Variants in GRID1 observed in about 807,000 individuals in gnomAD.
The protein encoded by GRID1 is glutamate ionotropic receptor delta type subunit 1.
In GRID1, 28 loss-of-function variants were observed where a neutral mutation model predicts 98.0. The observed-to-expected ratio is 0.29, with a 90% CI of 0.21 to 0.39. The LOEUF is 0.39. Among genes scored for constraint, GRID1 ranks in the 10% least tolerant of loss-of-function variants. The pLI, the probability that GRID1 is intolerant of heterozygous loss-of-function variation, is 1.00. For synonymous variants in GRID1, 553 were observed against 538.5 expected, an observed-to-expected ratio of 1.03 and a Z score of -0.37; for missense variants, 1,111 against 1,340.5, an observed-to-expected ratio of 0.83 and a Z score of 2.67.
intron 4 of GRID1, among the ~76,000 whole-genome samples, chr10:86,012,130 A>G (rs762823904): frequency 6.6e-6 from 1 of 152,140 alleles, no homozygotes; most frequent in Non-Finnish European, 1.5e-5. Flanking sequence ...TCAAAAAATA[A>G]ATAAATAAAT....
intron 2 of GRID1, among the ~76,000 whole-genome samples, chr10:86,309,997 T>C (rs571878218): frequency 9.2e-5 from 14 of 152,266 alleles, no homozygotes; most frequent in African/African-American, 3.1e-4. Context: ...ACCACCCCTT[T>C]ATGTCCAAGC....
intron 8 of GRID1, among the ~76,000 whole-genome samples, chr10:85,753,737 G>T (rs1357719144): frequency 6.6e-6 from 1 of 152,214 alleles, no homozygotes; most frequent in African/African-American, 2.4e-5. Flanking sequence ...ACCTCATGAA[G>T]TGTAATGAAA....
intron 8 of GRID1, among the ~76,000 whole-genome samples, chr10:85,826,794 G>A (rs564337510): frequency 1.3e-5 from 2 of 152,198 alleles, no homozygotes; most frequent in South Asian, 4.2e-4. Flanking sequence ...AACTTCAAGG[G>A]GCCAGAGAAC....
chr10:85,759,709 A>C (rs1332351054), intron 8 of GRID1, among the ~76,000 whole-genome samples: 1 of 152,242 alleles, frequency 6.6e-6, no homozygotes, highest in African/African-American at 2.4e-5. Context: ...GATCTGCATA[A>C]TTATGTACAT....
chr10:85,641,053 T>G (rs183017699), intron 13 of GRID1, among the ~76,000 whole-genome samples: 1 of 152,356 alleles, frequency 6.6e-6, no homozygotes, highest in Non-Finnish European at 1.5e-5. Flanking sequence ...AGATTGACAT[T>G]TAAACTATTA....
chr10:85,950,386 A>G (rs138098628), intron 4 of GRID1, among the ~76,000 whole-genome samples: 116 of 152,334 alleles, frequency 7.6e-4, no homozygotes, highest in African/African-American at 2.6e-3. Context: ...CAGAGAGGGT[A>G]CAGCTCAGTG....
intron 3 of GRID1, among the ~76,000 whole-genome samples, chr10:86,143,687 C>T (rs1057474443): frequency 3.9e-5 from 6 of 152,214 alleles, no homozygotes; most frequent in Non-Finnish European, 7.3e-5. Flanking sequence ...CTCGCATCAA[C>T]CTGATCCAGA....
At chr10:86,197,500 G>A (rs1245340715) in intron 3 of GRID1, among the ~76,000 whole-genome samples, 1 of 152,082 alleles carries the variant, frequency 6.6e-6, no homozygotes, top group Non-Finnish European at 1.5e-5. Context: ...CTCATGTGTG[G>A]AGCAAAGGAG....
rs557648395 is a variant in GRID1 at position 86,237,979 on chromosome 10, A to G, written c.236-31331T>C. 2.0e-5 allele frequency among the ~76,000 whole-genome samples: 3 copies of G among 152,332 alleles called. No individual in the cohort carries two copies. In the South Asian group the frequency reaches 6.2e-4, roughly 32 times the overall value. On this transcript the variant is annotated intron_variant, in intron 2 of 15. Coordinates refer to ENST00000327946, the MANE Select transcript of GRID1 (RefSeq NM_017551.3). ...GTATAAAGATACCTGAAAATGTAGA[A>G]GCGACTTTGGAACTGGGTAATTGCC... is the stretch of plus-strand genomic sequence containing the variant.
At chr10:86,099,168 C>A (rs190733074) in intron 4 of GRID1, among the ~76,000 whole-genome samples, 157 of 152,312 alleles carry the variant, frequency 1.0e-3, no homozygotes, top group Non-Finnish European at 1.9e-3. Flanking sequence ...CAAGGTAGCA[C>A]AGTGGTTCTG....
At chr10:85,633,390 T>C (rs1399443092) in intron 13 of GRID1, among the ~76,000 whole-genome samples, 1 of 152,182 alleles carries the variant, frequency 6.6e-6, no homozygotes, top group African/African-American at 2.4e-5. Flanking sequence ...CATTCTCCAT[T>C]CACTATGCTA....
intron 3 of GRID1, among the ~76,000 whole-genome samples, chr10:86,202,796 T>C (rs1169967739): frequency 2.0e-5 from 3 of 152,184 alleles, no homozygotes; most frequent in South Asian, 2.1e-4. Context: ...GGGAGGCTGA[T>C]GGGCAAATGA....
In GRID1 at chr10:85,727,911, C is replaced by T. The variant is rs750951162; in HGVS notation, c.1477G>A (p.Gly493Ser). Reference sequence around the variant, plus strand: ...CAGGAGGTGTTATGGAGCTGGTGACCGTACCTGCCATCAGGGGCTTGGTAA... The same window carrying T: ...CAGGAGGTGTTATGGAGCTGGTGACTGTACCTGCCATCAGGGGCTTGGTAA... ...EIYQAPDGRY[G>S]HQLHNTSWNG... The change falls in exon 10 of 16, where the codon GGT becomes AGT. Residue 493 changes from glycine (G) to serine (S), a missense_variant. Gly to Ser is a moderately conservative substitution (Grantham distance 56). This residue lies in a region of GRID1 where 762 missense variants were observed against 869.1 expected (regional missense o/e 0.88). Coordinates refer to ENST00000327946, the MANE Select transcript of GRID1 (RefSeq NM_017551.3). The T allele has an allele frequency of 2.4e-5, 38 of 1,613,734 alleles. No individual in the cohort carries two copies. The highest frequency in any genetic ancestry group is 1.7e-4 in the Middle Eastern group (1 of 6,046).
rs77766504 is a variant in GRID1, at chr10:85,895,654, G to A, written c.780+20532C>T. On this transcript the variant is annotated intron_variant, in intron 5 of 15. Transcript: ENST00000327946. ...GTGAGCTGAGGGACAAAAACCTAAT[G>A]GTTAACAGAACCCATCTTCCTGCAG... 3.6e-3 allele frequency among the ~76,000 whole-genome samples: 546 copies of A among 152,214 alleles called. 3 individuals are homozygous for A. The highest frequency in any genetic ancestry group is 0.013 in the African/African-American group (528 of 41,528).
chr10:85,837,476 A>G (rs1051631000), intron 8 of GRID1, among the ~76,000 whole-genome samples: 1 of 152,200 alleles, frequency 6.6e-6, no homozygotes, highest in Admixed American at 6.5e-5. Context: ...GAGTCAGAGA[A>G]CAAAGTTGGG....
intron 4 of GRID1, among the ~76,000 whole-genome samples, chr10:85,989,365 G>A (rs915407007): frequency 2.0e-5 from 3 of 152,196 alleles, no homozygotes; most frequent in African/African-American, 7.2e-5. Context: ...TTAATACAGA[G>A]GGGTCCACAG....
At chr10:85,724,704 C>A in intron 10 of GRID1, 28 bp from the exon 11 acceptor site, 2 of 1,575,676 alleles carry the variant, frequency 1.3e-6, no homozygotes, top group South Asian at 1.1e-5. Context: ...CTCATTTAGA[C>A]GGCAGTCCTC....
chr10:86,325,542 G>A (rs886778816), intron 2 of GRID1, among the ~76,000 whole-genome samples: 1 of 152,166 alleles, frequency 6.6e-6, no homozygotes, highest in Admixed American at 6.5e-5. Flanking sequence ...AATTCATTGT[G>A]CATTAATGAA....
rs146412053 is a variant in GRID1, at chr10:85,701,501, T to A, written c.1997+21502A>T. Among the ~76,000 whole-genome samples the A allele has an allele frequency of 4.8e-3, 733 of 151,982 alleles. 7 individuals carry two copies. The highest frequency in any genetic ancestry group is 0.017 in the African/African-American group (705 of 41,426). ...GGGGCAAAAAACTCAAAAGAAAAAA[T>A]TCCACTAAGGCACAGTTTTGATAAT... On this transcript the variant is annotated intron_variant, in intron 12 of 15. Coordinates refer to ENST00000327946, the MANE Select transcript of GRID1 (RefSeq NM_017551.3).
Sources: gnomAD v4.1 joint callset for allele counts (sites outside exome capture counted in the v4.1 genomes callset) on GRCh38, gnomAD v4.1.1 for gene constraint, gnomAD v4.1.1 regional missense constraint, MANE v1.5 for transcripts, NCBI Gene and HGNC (gene_info 2026-07-23, HGNC 2026-07-21) for gene names.